Variants in PATE4 observed in about 807,000 individuals in gnomAD.
PATE4 encodes the protein prostate and testis expressed 4, also known as prostate and testis expressed protein 4.
Under a neutral mutation model 8.5 loss-of-function variants are expected in PATE4, and 13 were observed. The ratio of observed to expected loss-of-function variants is 1.53; its 90% CI spans 1.00 to 2.43. The LOEUF is 2.43. Among genes scored for constraint, PATE4 ranks in the 30% most tolerant of loss-of-function variants. The pLI is 0.00. For missense variants in PATE4, 127 were observed against 115.5 expected, an observed-to-expected ratio of 1.10 and a Z score of -0.46; for synonymous variants, 47 against 39.3, an observed-to-expected ratio of 1.20 and a Z score of -0.73.
At position 125,838,301 on chromosome 11, in the gene PATE4, T is replaced by C. The variant is rs1323794103; in HGVS notation, c.176-5T>C. 1 of 1,534,926 alleles carries C rather than the reference T, an allele frequency of 6.5e-7. No individual in the cohort carries two copies. The highest frequency in any genetic ancestry group is 8.8e-7 in the Non-Finnish European group (1 of 1,142,748). ...AGCATTTATAACAGGCTTCTTCATT[T>C]TCAGGAGACAAACATATGTACTCAA... On this transcript the variant is annotated splice_polypyrimidine_tract_variant and splice_region_variant and intron_variant, in intron 2 of 2. Transcript: ENST00000457514.
chr11:125,838,069 T>A lies in PATE4; in HGVS notation c.175+85T>A, dbSNP rs759741552. 5.7e-5 allele frequency: 66 copies of A among 1,150,664 alleles called. No homozygotes were observed. In the South Asian group the frequency reaches 9.0e-4, roughly 16 times the overall value. 71.3% of individuals were successfully genotyped at this position (1,150,664 alleles called of 1,614,324 possible). A position where few individuals can be genotyped will look rare whatever the true frequency, so the allele number is the denominator to read the frequency against. On this transcript the variant is annotated intron_variant, in intron 2 of 2. Coordinates refer to ENST00000457514, the MANE Select transcript of PATE4 (RefSeq NM_001144874.1). ...GCCTGGAATAAAGAACTCGATATCA[T>A]TTAGCTCTGCTAGGAGGTAAGGCAA...
At chr11:125,836,647 C>T (rs73621174) in intron 1 of PATE4, among the ~76,000 whole-genome samples, 2,242 of 150,040 alleles carry the variant, frequency 0.015, 60 homozygotes, top group African/African-American at 0.052. Context: ...CTCTAAAATA[C>T]GTTAGTTCTT....
At chr11:125,834,627 C>T (rs1164222667) in intron 1 of PATE4, among the ~76,000 whole-genome samples, 1 of 152,146 alleles carries the variant, frequency 6.6e-6, no homozygotes, top group Non-Finnish European at 1.5e-5. Flanking sequence ...TTCAGCAATA[C>T]CTATCAAAAT....
chr11:125,834,984 G>A (rs1414050920), intron 1 of PATE4: 1 of 152,080 alleles, frequency 6.6e-6, no homozygotes, highest in Admixed American at 6.6e-5. Flanking sequence ...AATAAAACTG[G>A]TTTCCTTTAT....
intron 1 of PATE4, chr11:125,835,748 AG>A (rs1299428145): frequency 6.6e-6 from 1 of 152,208 alleles, no homozygotes; most frequent in Non-Finnish European, 1.5e-5. Flanking sequence ...CATAGACAAA[AG>A]ATGACGGCAC....
At chr11:125,835,364 G>A (rs1177847607) in intron 1 of PATE4, 1 of 152,202 alleles carries the variant, frequency 6.6e-6, no homozygotes, top group African/African-American at 2.4e-5. Flanking sequence ...AGACAGCTGA[G>A]TTGCATTACA....
chr11:125,838,284 T>C lies in PATE4; in HGVS notation c.176-22T>C, dbSNP rs750137654. On this transcript the variant is annotated intron_variant, in intron 2 of 2. Coordinates refer to ENST00000457514, the MANE Select transcript of PATE4 (RefSeq NM_001144874.1). ...GTAAGGCAATCTCCTCCAGCATTTATAACAGGCTTCTTCATTTTCAGGAGA... is the reference window on the plus strand; with the variant it reads ...GTAAGGCAATCTCCTCCAGCATTTACAACAGGCTTCTTCATTTTCAGGAGA... 1.1e-5 allele frequency: 17 copies of C among 1,529,036 alleles called. No individual in the cohort carries two copies. The South Asian group carries it at 1.4e-4, about 12-fold the overall frequency. The allele number at this position is 1,529,036 out of a possible 1,614,324, so 94.7% of individuals were successfully genotyped here. A position where few individuals can be genotyped will look rare whatever the true frequency, so the allele number is the denominator to read the frequency against.
In PATE4 at chr11:125,838,359, G is replaced by A. The variant is rs1163524668; in HGVS notation, c.229G>A (p.Glu77Lys). 3.2e-6 allele frequency: 5 copies of A among 1,551,442 alleles called. No individual in the cohort carries two copies. The South Asian group carries it at 5.9e-5, about 18-fold the overall frequency. Reference protein sequence around the residue: ...HMCKYKCREEESSKRGLLRVT... With the variant: ...HMCKYKCREEKSSKRGLLRVT... ...GTGTAAGTATAAGTGCCGGGAAGAG[G>A]AGTCCTCCAAAAGAGGCCTGTTGAG... Residue 77 changes from glutamate to lysine, a missense_variant, in exon 3 of 3, where the codon GAG becomes AAG. Transcript: ENST00000457514.
Position 125,838,591 on chromosome 11 carries a change from C to T in PATE4, c.*164C>T. On this transcript the variant is annotated 3_prime_UTR_variant, in exon 3 of 3. Coordinates refer to ENST00000457514, the MANE Select transcript of PATE4 (RefSeq NM_001144874.1). ...CAATGAAGGGGCTCCCCACACCCCA[C>T]CTCCACCACTAGATTCCTAAAATCA... The T allele has an allele frequency of 1.5e-6, 1 of 649,532 alleles. No individual in the cohort carries two copies. The highest frequency in any genetic ancestry group is 2.4e-6 in the Non-Finnish European group (1 of 421,484). 40.2% of individuals were successfully genotyped at this position (649,532 alleles called of 1,614,324 possible).
At chr11:125,835,514 C>T (rs1228588303) in intron 1 of PATE4, 1 of 152,150 alleles carries the variant, frequency 6.6e-6, no homozygotes, top group Admixed American at 6.6e-5. Flanking sequence ...AGGTGTGGGC[C>T]ACTACCTTCT....
rs1190860567 is a variant in PATE4, at chr11:125,838,577, C to T, written c.*150C>T. The T allele has an allele frequency of 1.2e-6, 1 of 809,112 alleles. No individual in the cohort carries two copies. Among genetic ancestry groups the T allele is most frequent in the Non-Finnish European group, 1.8e-6 (1 of 563,090 alleles). The allele number at this position is 809,112 out of a possible 1,614,324, so 50.1% of individuals were successfully genotyped here. On this transcript the variant is annotated 3_prime_UTR_variant, in exon 3 of 3. Transcript: ENST00000457514. ...GGCTGTCCTCATTGCAATGAAGGGG[C>T]TCCCCACACCCCACCTCCACCACTA...
chr11:125,833,810 T>C (rs1231431695), intron 1 of PATE4, among the ~76,000 whole-genome samples: 1 of 152,208 alleles, frequency 6.6e-6, no homozygotes, highest in Non-Finnish European at 1.5e-5. Context: ...TAAGGCTTTA[T>C]ACTATCCACT....
chr11:125,835,956 A>G (rs1035325149), intron 1 of PATE4: 3 of 152,090 alleles, frequency 2.0e-5, no homozygotes, highest in Non-Finnish European at 4.4e-5. Context: ...GTGTCTGTGC[A>G]TACGTGTGTG....
intron 2 of PATE4, 80 bp downstream of exon 2, chr11:125,838,064 T>A (rs1432112498): frequency 1.7e-6 from 2 of 1,183,412 alleles, no homozygotes; most frequent in Admixed American, 4.1e-5. Context: ...AAGAACTCGA[T>A]ATCATTTAGC....
Position 125,838,290 on chromosome 11 carries a change from G to C in PATE4, c.176-16G>C. On this transcript the variant is annotated splice_polypyrimidine_tract_variant and intron_variant, in intron 2 of 2. Transcript: ENST00000457514. ...CAATCTCCTCCAGCATTTATAACAG[G>C]CTTCTTCATTTTCAGGAGACAAACA... The C allele has an allele frequency of 1.3e-6, 2 of 1,530,788 alleles. No homozygotes were observed. The highest frequency in any genetic ancestry group is 2.5e-5 in the East Asian group (1 of 40,804). The allele number at this position is 1,530,788 out of a possible 1,614,324, so 94.8% of individuals were successfully genotyped here.
In PATE4 at chr11:125,838,468, C is replaced by T; in HGVS notation, c.*41C>T. On this transcript the variant is annotated 3_prime_UTR_variant, in exon 3 of 3. Transcript: ENST00000457514. ...TGCAGAGGATCATCTGATCAAGATC[C>T]AGAATCAAGACCAACCAACATGAAC... 1 of 1,516,654 alleles carries T rather than the reference C, an allele frequency of 6.6e-7. No homozygotes were observed. The highest frequency in any genetic ancestry group is 8.8e-7 in the Non-Finnish European group (1 of 1,135,286). The allele number at this position is 1,516,654 out of a possible 1,614,324, so 93.9% of individuals were successfully genotyped here. A position where few individuals can be genotyped will look rare whatever the true frequency, so the allele number is the denominator to read the frequency against.
Position 125,838,463 on chromosome 11 carries a change from A to G in PATE4, c.*36A>G. 6.6e-7 allele frequency: 1 copy of G among 1,521,684 alleles called. No individual in the cohort carries two copies. Among genetic ancestry groups the G allele is most frequent in the African/African-American group, 1.4e-5 (1 of 71,508 alleles). The allele number at this position is 1,521,684 out of a possible 1,614,324, so 94.3% of individuals were successfully genotyped here. On this transcript the variant is annotated 3_prime_UTR_variant, in exon 3 of 3. Coordinates refer to ENST00000457514, the MANE Select transcript of PATE4 (RefSeq NM_001144874.1). ...GAACTTGCAGAGGATCATCTGATCAAGATCCAGAATCAAGACCAACCAACA... is the reference window on the plus strand; with the variant it reads ...GAACTTGCAGAGGATCATCTGATCAGGATCCAGAATCAAGACCAACCAACA...
chr11:125,838,556 G>C lies in PATE4; in HGVS notation c.*129G>C. On this transcript the variant is annotated 3_prime_UTR_variant, in exon 3 of 3. Coordinates refer to ENST00000457514, the MANE Select transcript of PATE4 (RefSeq NM_001144874.1). ...GATCCCAGAGAGAGCTGCAGGGGCT[G>C]TCCTCATTGCAATGAAGGGGCTCCC... 8.6e-7 allele frequency: 1 copy of C among 1,163,146 alleles called. No individual in the cohort carries two copies. The highest frequency in any genetic ancestry group is 1.1e-6 in the Non-Finnish European group (1 of 871,284). 72.1% of individuals were successfully genotyped at this position (1,163,146 alleles called of 1,614,324 possible).
At position 125,833,320 on chromosome 11, in the gene PATE4, C is replaced by T; in HGVS notation, c.-40C>T. On this transcript the variant is annotated 5_prime_UTR_variant, in exon 1 of 3. Coordinates refer to ENST00000457514, the MANE Select transcript of PATE4 (RefSeq NM_001144874.1). The stretch of plus-strand genomic sequence containing the variant: ...AAGCTAGTGGCTGCCCTTTCCAATA[C>T]CTCACTCAGCACACCGTCTGTCACC... 1 of 1,541,028 alleles carries T rather than the reference C, an allele frequency of 6.5e-7. No homozygotes were observed.
Sources: allele counts gnomAD v4.1 joint callset (sites outside exome capture counted in the v4.1 genomes callset), GRCh38; gene constraint gnomAD v4.1.1; transcripts MANE v1.5; gene names NCBI Gene and HGNC (gene_info 2026-07-23, HGNC 2026-07-21).